MTA1: variants seen among roughly 807,000 people sequenced by gnomAD.
MTA1 encodes metastasis associated 1.
A neutral mutation model predicts 97.0 loss-of-function variants in MTA1; 15 were observed. The observed-to-expected ratio is 0.15, with a 90% CI of 0.10 to 0.24. The LOEUF is 0.24. Among genes scored for constraint, MTA1 ranks in the 10% least tolerant of loss-of-function variants. The pLI is 1.00. For missense variants in MTA1, 709 were observed against 1,015.1 expected (o/e 0.70, Z 4.10); for synonymous variants, 435 against 417.5 (o/e 1.04, Z -0.51).
At chr14:105,467,553 G>A (rs2083648116) in intron 18 of MTA1, 1 of 449,696 alleles carries the variant, frequency 2.2e-6, no homozygotes, top group African/African-American at 2.0e-5. Context: ...GTGGGCCTGA[G>A]ATCGGGTGCC....
chr14:105,444,373 T>C (rs916011688), intron 2 of MTA1, among the ~76,000 whole-genome samples: 11 of 151,276 alleles, frequency 7.3e-5, no homozygotes, highest in African/African-American at 2.4e-4. Flanking sequence ...AGACTCTGTC[T>C]CAAAAAAAAA....
chr14:105,463,320 C>T lies in MTA1; in HGVS notation c.1017+62C>T, dbSNP rs183852028. ...GCCTCCCCGTCCTGCGCCCCATCCT[C>T]TCCCAGCAGGTGGGCGTGCACTGCT... On this transcript the variant is annotated intron_variant, in intron 11 of 20. Coordinates refer to ENST00000331320, the MANE Select transcript of MTA1 (RefSeq NM_004689.4). This position sits in a 1 kb window ranked among gnomAD's most constrained non-coding sequence, Gnocchi z 5.9. The T allele has an allele frequency of 4.0e-4, 636 of 1,584,766 alleles. 1 individual carries two copies. In the African/African-American group the frequency reaches 7.3e-3, roughly 18 times the overall value.
At chr14:105,428,883 C>A (rs1226041099) in intron 1 of MTA1, among the ~76,000 whole-genome samples, 1 of 152,098 alleles carries the variant, frequency 6.6e-6, no homozygotes, top group Non-Finnish European at 1.5e-5. Flanking sequence ...CGCCACCATG[C>A]CTGGCTAGTT....
chr14:105,435,786 G>C (rs2082308717), intron 1 of MTA1, among the ~76,000 whole-genome samples: 1 of 152,112 alleles, frequency 6.6e-6, no homozygotes, highest in Non-Finnish European at 1.5e-5. Flanking sequence ...TCAAGCAATT[G>C]GTTCATTTCA....
At position 105,445,415 on chromosome 14, in the gene MTA1, C is replaced by T. The variant is rs782127460; in HGVS notation, c.97-3C>T. The T allele has an allele frequency of 2.4e-5, 39 of 1,613,270 alleles. No homozygotes were observed. Among genetic ancestry groups the T allele is most frequent in the Non-Finnish European group, 3.1e-5 (37 of 1,179,718 alleles). ...CTCAGACGCCCCTGCCTTGCTGTTA[C>T]AGACGGCCAATGGGAACGTGGAGGC... On this transcript the variant is annotated splice_region_variant and splice_polypyrimidine_tract_variant and intron_variant, in intron 2 of 20. Transcript: ENST00000331320.
At chr14:105,449,139 C>A (rs1007482062) in intron 3 of MTA1, 6 of 520,946 alleles carry the variant, frequency 1.2e-5, no homozygotes, top group Admixed American at 3.6e-5. Flanking sequence ...TGGGCTCTTC[C>A]CAAAGAGGCT....
chr14:105,450,369 A>G (rs2082876658), intron 6 of MTA1, 45 bp downstream of exon 6: 1 of 1,573,750 alleles, frequency 6.4e-7, no homozygotes, highest in African/African-American at 1.4e-5. Flanking sequence ...GTCCCGGGCC[A>G]CTGTTTCCTC....
intron 18 of MTA1, 49 bp downstream of exon 18, chr14:105,466,791 G>T (rs1837619197): frequency 1.9e-6 from 3 of 1,544,184 alleles, no homozygotes; most frequent in Non-Finnish European, 2.6e-6. Context: ...CGCCCGTGAT[G>T]CCTGTGCTGT....
chr14:105,430,272 C>T (rs1355796820), intron 1 of MTA1, among the ~76,000 whole-genome samples: 1 of 152,132 alleles, frequency 6.6e-6, no homozygotes, highest in Non-Finnish European at 1.5e-5. Context: ...GGCAGGGTTG[C>T]TAGTTGGCCC....
In MTA1 at chr14:105,469,881, C is replaced by T; in HGVS notation, c.1886C>T (p.Pro629Leu). 6.2e-7 allele frequency: 1 copy of T among 1,610,794 alleles called. No individual in the cohort carries two copies. ...CTCCTGCTCAACGGGAAGTCCTACCCCACCAAAGTGCGCCTGATCCGGGGG... is the reference window on the plus strand; with the variant it reads ...CTCCTGCTCAACGGGAAGTCCTACCTCACCAAAGTGCGCCTGATCCGGGGG... ...RNLLLNGKSY[P>L]TKVRLIRGGS... Residue 629 changes from proline to leucine, a missense_variant, in exon 20 of 21, where the codon CCC (proline) becomes CTC (leucine). Physicochemically the swap from Pro to Leu is moderately conservative, Grantham distance 98. Transcript: ENST00000331320.
At chr14:105,437,567 A>T (rs1250807858) in intron 1 of MTA1, among the ~76,000 whole-genome samples, 3 of 152,126 alleles carry the variant, frequency 2.0e-5, no homozygotes, top group Non-Finnish European at 2.9e-5. Context: ...CAGGAGGGAG[A>T]TGCTCTCCAG....
intron 6 of MTA1, among the ~76,000 whole-genome samples, chr14:105,452,922 A>T (rs1473588188): frequency 6.6e-6 from 1 of 152,250 alleles, no homozygotes; most frequent in African/African-American, 2.4e-5. Flanking sequence ...CACAGGAATC[A>T]GGAGGATGAC....
Position 105,463,339 on chromosome 14 carries a change from C to G in MTA1, c.1017+81C>G, listed in dbSNP as rs1415614818. The G allele has an allele frequency of 2.6e-6, 4 of 1,535,826 alleles. No individual in the cohort carries two copies. On this transcript the variant is annotated intron_variant, in intron 11 of 20. Transcript: ENST00000331320. This position sits in a 1 kb window ranked among gnomAD's most constrained non-coding sequence, Gnocchi z 5.9. ...CATCCTCTCCCAGCAGGTGGGCGTG[C>G]ACTGCTGCAGCAGGAGGGGAAGGAA...
chr14:105,450,385 A>G (rs2082877523), intron 6 of MTA1, 61 bp downstream of exon 6: 7 of 1,548,684 alleles, frequency 4.5e-6, no homozygotes, highest in South Asian at 1.2e-5. Flanking sequence ...TCCTCTACCT[A>G]TGACCTCTGC....
chr14:105,457,329 G>A (rs1401015212), intron 7 of MTA1, among the ~76,000 whole-genome samples: 5 of 152,218 alleles, frequency 3.3e-5, no homozygotes, highest in African/African-American at 4.8e-5. Flanking sequence ...AGGCTGTTTC[G>A]TCAGAAACCC....
chr14:105,425,985 G>A (rs2081999863), intron 1 of MTA1, among the ~76,000 whole-genome samples: 1 of 152,120 alleles, frequency 6.6e-6, no homozygotes, highest in African/African-American at 2.4e-5. Flanking sequence ...CAGCCTCCCT[G>A]GGGCGGGCCT....
chr14:105,448,339 T>A (rs587654027), intron 3 of MTA1, among the ~76,000 whole-genome samples: 1 of 152,086 alleles, frequency 6.6e-6, no homozygotes, highest in African/African-American at 2.4e-5. Flanking sequence ...CTCGCCCGCA[T>A]CTCCGACAGG....
chr14:105,467,337 T>C (rs2083636575), intron 18 of MTA1: 1 of 446,252 alleles, frequency 2.2e-6, no homozygotes, highest in Admixed American at 2.4e-5. Flanking sequence ...GGCCTGCCAG[T>C]GTGGATGTGC....
At chr14:105,462,695 C>T (rs1272710347) in intron 10 of MTA1, among the ~76,000 whole-genome samples, 1 of 151,944 alleles carries the variant, frequency 6.6e-6, no homozygotes, top group Non-Finnish European at 1.5e-5. Flanking sequence ...ATGGTGAAAC[C>T]ACGTCTGTAC....
Sources: allele counts gnomAD v4.1 joint callset (sites outside exome capture counted in the v4.1 genomes callset), GRCh38; gene constraint gnomAD v4.1.1; non-coding constraint Gnocchi (gnomAD v3.1); transcripts MANE v1.5; gene names NCBI Gene and HGNC (gene_info 2026-07-23, HGNC 2026-07-21).